The following ITIH5 variants were observed in gnomAD, a reference collection of about 807,000 sequenced individuals.
ITIH5 encodes the protein inter-alpha-trypsin inhibitor heavy chain 5.
Under a neutral mutation model 77.5 loss-of-function variants are expected in ITIH5, and 65 were observed. The observed-to-expected ratio is 0.84, with a 90% CI of 0.69 to 1.03. The LOEUF is 1.03. Among genes scored for constraint, ITIH5 ranks in the 50% least tolerant of loss-of-function variants. ITIH5 has a pLI of 0.00. For synonymous variants in ITIH5, 525 were observed against 494.3 expected, an observed-to-expected ratio of 1.06 and a Z score of -0.82; for missense variants, 1,208 against 1,213.1, an observed-to-expected ratio of 1.00 and a Z score of 0.06.
chr10:7,580,150 T>C (rs1024128317), intron 8 of ITIH5, 86 bp from the exon 9 acceptor site: 5 of 1,149,860 alleles, frequency 4.3e-6, no homozygotes, highest in Non-Finnish European at 6.1e-6. Context: ...AGACGGAGTC[T>C]TGCTCTGTCA....
At position 7,563,321 on chromosome 10, in the gene ITIH5, G is replaced by A; in HGVS notation, c.2591C>T (p.Thr864Ile). 1 of 1,614,220 alleles carries A rather than the reference G, an allele frequency of 6.2e-7. No homozygotes were observed. ...EDPAGPSQNLTHPLLLQVGEG... is the reference protein window; with the variant it reads ...EDPAGPSQNLIHPLLLQVGEG... The stretch of plus-strand genomic sequence containing the variant: ...TCCCACCTGAAGGAGCAGAGGGTGA[G>A]TGAGGTTCTGGCTGGGCCCTGCAGG... Residue 864 changes from threonine to isoleucine, a missense_variant, in exon 14 of 14, where the codon ACT becomes ATT. Physicochemically the swap from Thr to Ile is moderately conservative, Grantham distance 89. Transcript: ENST00000397146.
In ITIH5 at chr10:7,615,995, G is replaced by A; in HGVS notation, c.926C>T (p.Thr309Ile). The change falls in exon 7 of 14, where the codon ACC becomes ATC. Residue 309 changes from threonine (T) to isoleucine (I), a missense_variant. Coordinates refer to ENST00000397146, the MANE Select transcript of ITIH5 (RefSeq NM_030569.7). ...VLDSSASMVGTKLRQTKDALF... is the reference protein window; with the variant it reads ...VLDSSASMVGIKLRQTKDALF... ...GCACTCACTCACCTGCCGGAGTTTG[G>A]TTCCCACCATAGAAGCACTGCTGTC... The A allele has an allele frequency of 1.2e-6, 2 of 1,605,212 alleles. No individual in the cohort carries two copies. The highest frequency in any genetic ancestry group is 1.7e-6 in the Non-Finnish European group (2 of 1,172,010).
At chr10:7,631,530 G>T (rs567362956) in intron 5 of ITIH5, among the ~76,000 whole-genome samples, 1 of 152,110 alleles carries the variant, frequency 6.6e-6, no homozygotes. Flanking sequence ...CTAATTTAAC[G>T]AGCTTAAGAC....
In ITIH5 at chr10:7,646,829, TC is replaced by T. The variant is rs201485964; in HGVS notation, c.136-4740del. Among the ~76,000 whole-genome samples, 1,402 of 152,292 alleles carry T rather than the reference TC, an allele frequency of 9.2e-3. 8 individuals carry two copies. Among genetic ancestry groups the T allele is most frequent in the Non-Finnish European group, 0.015 (1,031 of 68,020 alleles). Reference sequence around the variant, plus strand: ...GGCTTTACCGGTCACCTGGTAGCTTTCCCAACAGCAAGGTGGAAGCTAGATG... The same window carrying T: ...GGCTTTACCGGTCACCTGGTAGCTTTCCAACAGCAAGGTGGAAGCTAGATG... On this transcript the variant is annotated intron_variant, in intron 2 of 13. Coordinates refer to ENST00000397146, the MANE Select transcript of ITIH5 (RefSeq NM_030569.7).
intron 10 of ITIH5, among the ~76,000 whole-genome samples, chr10:7,574,774 A>C (rs1029276332): frequency 2.0e-5 from 3 of 146,758 alleles, no homozygotes; most frequent in Non-Finnish European, 3.0e-5. Context: ...GCTTGGGCGA[A>C]AGAGCGAGAC....
In ITIH5 at chr10:7,579,839, C is replaced by T; in HGVS notation, c.1334G>A (p.Arg445Lys). Residue 445 changes from arginine (R) to lysine (K), a missense_variant, in exon 9 of 14, where the codon AGG becomes AAG. Transcript: ENST00000397146. The stretch of plus-strand genomic sequence containing the variant: ...CTCCAGCGACAGTTTCTCCAGCAGC[C>T]TGAAGTCCACGTCGTTGCCGATGCC... Reference protein sequence around the residue: ...TIGIGNDVDFRLLEKLSLENC... With the variant: ...TIGIGNDVDFKLLEKLSLENC... The T allele has an allele frequency of 1.2e-6, 2 of 1,614,218 alleles. No homozygotes were observed. The highest frequency in any genetic ancestry group is 1.7e-6 in the Non-Finnish European group (2 of 1,180,034).
chr10:7,655,376 A>T (rs1440050584), intron 2 of ITIH5, among the ~76,000 whole-genome samples: 1 of 152,006 alleles, frequency 6.6e-6, no homozygotes, highest in Non-Finnish European at 1.5e-5. Context: ...TTTAGGCTTT[A>T]AAAAAAATAA....
intron 2 of ITIH5, among the ~76,000 whole-genome samples, chr10:7,644,239 GAA>G (rs71294404): frequency 4.8e-4 from 71 of 146,762 alleles, no homozygotes; most frequent in African/African-American, 1.8e-3. Context: ...CCCTGTCACA[GAA>G]AAAAAATATA....
At position 7,576,832 on chromosome 10, in the gene ITIH5, G is replaced by T; in HGVS notation, c.1599C>A (p.Ser533Arg). ...TCAGGATGATGAATTTCTTACTGTT[G>T]CTGGCGGTGACCTCCACGTGCAGGT... Reference protein sequence around the residue: ...LDHLHVEVTASNSKKFIILKT... With the variant: ...LDHLHVEVTARNSKKFIILKT... Residue 533 changes from serine (S) to arginine (R), a missense_variant, in exon 10 of 14, where the codon AGC becomes AGA. Ser to Arg is a moderately radical substitution (Grantham distance 110). Transcript: ENST00000397146. The T allele has an allele frequency of 6.2e-7, 1 of 1,614,176 alleles. No individual in the cohort carries two copies. Among genetic ancestry groups the T allele is most frequent in the Non-Finnish European group, 8.5e-7 (1 of 1,180,024 alleles).
At chr10:7,578,698 C>T (rs1019830446) in intron 9 of ITIH5, 1 of 152,174 alleles carries the variant, frequency 6.6e-6, no homozygotes, top group Non-Finnish European at 1.5e-5. Flanking sequence ...TATAAATCTA[C>T]CCAAACCTCC....
chr10:7,621,109 G>A (rs994852983), intron 5 of ITIH5: 1 of 152,192 alleles, frequency 6.6e-6, no homozygotes, highest in African/African-American at 2.4e-5. Flanking sequence ...ATAGAAAATA[G>A]GCATGTAGCT....
chr10:7,648,080 A>T (rs1468272071), intron 2 of ITIH5, among the ~76,000 whole-genome samples: 1 of 17,962 alleles, frequency 5.6e-5, no homozygotes, highest in South Asian at 2.9e-3. Flanking sequence ...TGTCTCTACT[A>T]AAAAAAAAAA....
At chr10:7,571,955 TGA>T (rs1832308523) in intron 11 of ITIH5, 1 of 990,014 alleles carries the variant, frequency 1.0e-6, no homozygotes, top group Non-Finnish European at 1.2e-6. Context: ...GACAGTTTTC[TGA>T]GAGTTTCTAT....
At chr10:7,580,139 G>C in intron 8 of ITIH5, 75 bp from the exon 9 acceptor site, 1 of 1,290,470 alleles carries the variant, frequency 7.7e-7, no homozygotes, top group Non-Finnish European at 1.1e-6. Flanking sequence ...TCTTTTTTTT[G>C]AGACGGAGTC....
chr10:7,665,839 C>G (rs954615960), intron 1 of ITIH5, among the ~76,000 whole-genome samples: 1 of 152,032 alleles, frequency 6.6e-6, no homozygotes. Context: ...ATTAGCTACT[C>G]CCCCCCTAGA....
chr10:7,618,726 C>T (rs1833417653), intron 5 of ITIH5: 1 of 152,208 alleles, frequency 6.6e-6, no homozygotes, highest in Non-Finnish European at 1.5e-5. Flanking sequence ...TTTCCCATCT[C>T]CAATTAGCAG....
At chr10:7,580,143 C>G in intron 8 of ITIH5, 79 bp from the exon 9 acceptor site, 1 of 1,248,188 alleles carries the variant, frequency 8.0e-7, no homozygotes, top group Non-Finnish European at 1.1e-6. Flanking sequence ...TTTTTTGAGA[C>G]GGAGTCTTGC....
At position 7,627,436 on chromosome 10, in the gene ITIH5, T is replaced by C. The variant is rs1055501367; in HGVS notation, c.652+9792A>G. On this transcript the variant is annotated intron_variant, in intron 5 of 13. Transcript: ENST00000397146. ...GTCTCTGGTCGAGGGGACTTGACCT[T>C]GCGGGATGTGTGGCTGGTCAGTAGC... 2.6e-5 allele frequency among the ~76,000 whole-genome samples: 4 copies of C among 152,044 alleles called. No homozygotes were observed. The East Asian group carries it at 7.7e-4, about 29-fold the overall frequency.
chr10:7,569,810 G>GA, intron 11 of ITIH5, 26 bp from the exon 12 acceptor site: 1 of 1,417,014 alleles, frequency 7.1e-7, no homozygotes. Context: ...AAAACGGAGA[G>GA]AAAAAGAAAG....
Sources: allele counts gnomAD v4.1 joint callset (sites outside exome capture counted in the v4.1 genomes callset), GRCh38; gene constraint gnomAD v4.1.1; transcripts MANE v1.5; gene names NCBI Gene and HGNC (gene_info 2026-07-23, HGNC 2026-07-21).